Variants in TNKS observed in about 807,000 individuals in gnomAD.
TNKS encodes the protein poly [ADP-ribose] polymerase tankyrase-1.
Under a neutral mutation model 135.8 loss-of-function variants are expected in TNKS, and 72 were observed. That is an observed-to-expected ratio of 0.53 (90% CI 0.44 to 0.64). TNKS has a LOEUF of 0.64. Among genes scored for constraint, TNKS ranks in the 30% least tolerant of loss-of-function variants. The probability of loss-of-function intolerance (pLI) is 0.00; values close to 1 mark genes in which losing one functional copy is unlikely to be tolerated. For missense variants in TNKS, 1,769 were observed against 1,674.0 expected, an observed-to-expected ratio of 1.06 and a Z score of -0.99; for synonymous variants, 849 against 649.3, an observed-to-expected ratio of 1.31 and a Z score of -4.68.
At chr8:9,604,183 A>T (rs1399089615) in intron 2 of TNKS, among the ~76,000 whole-genome samples, 1 of 152,076 alleles carries the variant, frequency 6.6e-6, no homozygotes, top group Non-Finnish European at 1.5e-5. Flanking sequence ...CTCAGTGTAG[A>T]TATATTATGT....
chr8:9,676,937 T>A (rs1406660697), intron 3 of TNKS, among the ~76,000 whole-genome samples: 1 of 152,234 alleles, frequency 6.6e-6, no homozygotes, highest in Admixed American at 6.5e-5. Context: ...CTAGTCTTTA[T>A]CTGGATGTTA....
intron 1 of TNKS, among the ~76,000 whole-genome samples, chr8:9,572,154 A>G (rs1048867613): frequency 6.6e-6 from 1 of 152,246 alleles, no homozygotes; most frequent in Admixed American, 6.5e-5. Context: ...GTTTTCAACC[A>G]GGATCTTTCT....
intron 3 of TNKS, among the ~76,000 whole-genome samples, chr8:9,621,490 G>C (rs1195608038): frequency 6.6e-6 from 1 of 152,046 alleles, no homozygotes; most frequent in Non-Finnish European, 1.5e-5. Context: ...ATTTTTAGTA[G>C]AGATGGGGTT....
intron 2 of TNKS, among the ~76,000 whole-genome samples, chr8:9,583,051 C>G (rs1323446087): frequency 6.6e-6 from 1 of 151,276 alleles, no homozygotes; most frequent in East Asian, 2.0e-4. Flanking sequence ...CCTATTGTCC[C>G]AGCTACTTAG....
intron 20 of TNKS, among the ~76,000 whole-genome samples, chr8:9,753,121 T>G (rs1248685414): frequency 6.6e-6 from 1 of 152,178 alleles, no homozygotes. Context: ...CAAATGAGTC[T>G]TTATTTTATC....
intron 5 of TNKS, among the ~76,000 whole-genome samples, chr8:9,685,015 A>T (rs1294651495): frequency 6.6e-6 from 1 of 152,156 alleles, no homozygotes; most frequent in Non-Finnish European, 1.5e-5. Context: ...AAGAAACCAC[A>T]AATTTAGATG....
chr8:9,629,183 G>A (rs1800185692), intron 3 of TNKS, among the ~76,000 whole-genome samples: 1 of 152,136 alleles, frequency 6.6e-6, no homozygotes, highest in East Asian at 1.9e-4. Flanking sequence ...ATAAATCAAT[G>A]GTATCACTAA....
intron 1 of TNKS, chr8:9,556,826 T>G: frequency 1.7e-6 from 1 of 593,570 alleles, no homozygotes; most frequent in Admixed American, 3.0e-5. Context: ...AATTCTTCAG[T>G]GGTTGCACAG....
At chr8:9,691,778 A>AT (rs1011783589) in intron 5 of TNKS, among the ~76,000 whole-genome samples, 1 of 152,158 alleles carries the variant, frequency 6.6e-6, no homozygotes, top group African/African-American at 2.4e-5. Flanking sequence ...GGTATTTAAA[A>AT]TTTTTTGTAT....
At chr8:9,610,999 C>T (rs536401444) in intron 2 of TNKS, among the ~76,000 whole-genome samples, 41 of 152,236 alleles carry the variant, frequency 2.7e-4, no homozygotes, top group African/African-American at 9.4e-4. Flanking sequence ...TAAAGTAATA[C>T]CTGCTGAATT....
At position 9,599,032 on chromosome 8, in the gene TNKS, A is replaced by T. The variant is rs1798916773; in HGVS notation, c.899-16550A>T. On this transcript the variant is annotated intron_variant, in intron 2 of 26. Coordinates refer to ENST00000310430, the MANE Select transcript of TNKS (RefSeq NM_003747.3). ...TGGTCATTGTCCCTTAGAGTTGTGC[A>T]AGCTTTATGATCCTATTATAAATTT... is the stretch of plus-strand genomic sequence containing the variant. Among the ~76,000 whole-genome samples the T allele has an allele frequency of 2.6e-5, 4 of 151,700 alleles. No homozygotes were observed. In the South Asian group the frequency reaches 8.3e-4, roughly 32 times the overall value.
intron 1 of TNKS, among the ~76,000 whole-genome samples, chr8:9,576,041 G>C (rs1226195553): frequency 6.6e-6 from 1 of 152,184 alleles, no homozygotes; most frequent in Non-Finnish European, 1.5e-5. Context: ...AGGTGTAGAA[G>C]AGAGAAACAT....
At chr8:9,562,653 G>A (rs2129049607) in intron 1 of TNKS, among the ~76,000 whole-genome samples, 1 of 152,112 alleles carries the variant, frequency 6.6e-6, no homozygotes, top group Non-Finnish European at 1.5e-5. Context: ...AACTAATATT[G>A]ATACTTCCAA....
intron 2 of TNKS, among the ~76,000 whole-genome samples, chr8:9,610,312 G>C (rs1799408679): frequency 6.7e-6 from 1 of 149,012 alleles, no homozygotes; most frequent in Admixed American, 6.7e-5. Flanking sequence ...TATATATACT[G>C]TATTATTACG....
chr8:9,718,845 C>T (rs1804732203), intron 11 of TNKS, among the ~76,000 whole-genome samples: 1 of 152,128 alleles, frequency 6.6e-6, no homozygotes, highest in African/African-American at 2.4e-5. Context: ...AAAATAATCA[C>T]TTTAGTGCTG....
At chr8:9,689,985 A>C (rs1803187238) in intron 5 of TNKS, among the ~76,000 whole-genome samples, 1 of 152,250 alleles carries the variant, frequency 6.6e-6, no homozygotes, top group South Asian at 2.1e-4. Flanking sequence ...AGTTACAAAA[A>C]GGAATTTATG....
intron 11 of TNKS, among the ~76,000 whole-genome samples, chr8:9,718,569 G>T (rs1312404077): frequency 2.0e-5 from 3 of 152,090 alleles, no homozygotes; most frequent in Non-Finnish European, 2.9e-5. Flanking sequence ...GTGTCATTGT[G>T]ATTTTATATA....
intron 14 of TNKS, 90 bp downstream of exon 14, chr8:9,731,125 TA>T: frequency 7.5e-7 from 1 of 1,341,002 alleles, no homozygotes; most frequent in Non-Finnish European, 9.8e-7. Context: ...TTTTCTGTAT[TA>T]AAAAAGTAAT....
intron 3 of TNKS, among the ~76,000 whole-genome samples, chr8:9,668,999 C>A (rs1345580980): frequency 1.3e-5 from 2 of 151,828 alleles, no homozygotes; most frequent in African/African-American, 4.8e-5. Flanking sequence ...CTAATTAAAG[C>A]AGAAATTAAT....
Sources: gnomAD v4.1 joint callset for allele counts (sites outside exome capture counted in the v4.1 genomes callset) on GRCh38, gnomAD v4.1.1 for gene constraint, MANE v1.5 for transcripts, NCBI Gene and HGNC (gene_info 2026-07-23, HGNC 2026-07-21) for gene names.